The following SUGCT variants were observed in gnomAD, a reference collection of about 807,000 sequenced individuals.
SUGCT encodes the protein succinyl-CoA:glutarate CoA-transferase.
In SUGCT, 41 loss-of-function variants were observed where a neutral mutation model predicts 55.0. That is an observed-to-expected ratio of 0.74 (90% CI 0.58 to 0.97). SUGCT has a LOEUF of 0.97. SUGCT is among the 50% of genes least tolerant of loss of function. The pLI, the probability that SUGCT is intolerant of heterozygous loss-of-function variation, is 0.00. For missense variants in SUGCT, 568 were observed against 547.8 expected, an observed-to-expected ratio of 1.04 and a Z score of -0.37; for synonymous variants, 187 against 200.4, an observed-to-expected ratio of 0.93 and a Z score of 0.56.
the SUGCT span, among the ~76,000 whole-genome samples, chr7:41,020,834 G>T: frequency 6.6e-6 from 1 of 152,148 alleles, no homozygotes; most frequent in Non-Finnish European, 1.5e-5. Context: ...TGAATCAAAG[G>T]AATCCCCAGT....
At chr7:40,667,624 A>G (rs2151865066) in intron 12 of SUGCT, among the ~76,000 whole-genome samples, 1 of 150,852 alleles carries the variant, frequency 6.6e-6, no homozygotes, top group Non-Finnish European at 1.5e-5. Flanking sequence ...TCAGTTTCAG[A>G]ACTCGATATT....
At chr7:40,714,991 G>A (rs1170890972) in intron 12 of SUGCT, among the ~76,000 whole-genome samples, 2 of 152,006 alleles carry the variant, frequency 1.3e-5, no homozygotes, top group Non-Finnish European at 2.9e-5. Flanking sequence ...AAAACTCAGC[G>A]GCAAATCACA....
At chr7:40,586,325 T>C (rs1307730953) in intron 12 of SUGCT, among the ~76,000 whole-genome samples, 4 of 152,180 alleles carry the variant, frequency 2.6e-5, no homozygotes, top group Non-Finnish European at 5.9e-5. Flanking sequence ...GCACTTGAAG[T>C]GTGGCTTCTG....
intron 12 of SUGCT, among the ~76,000 whole-genome samples, chr7:40,732,928 A>G (rs997327377): frequency 2.0e-5 from 3 of 152,098 alleles, no homozygotes; most frequent in African/African-American, 7.2e-5. Context: ...CAACTCTACT[A>G]AAAATACATA....
At chr7:40,806,726 A>G (rs935764195) in intron 13 of SUGCT, among the ~76,000 whole-genome samples, 3 of 152,216 alleles carry the variant, frequency 2.0e-5, no homozygotes, top group African/African-American at 7.2e-5. Context: ...TATTCAATGT[A>G]ATAGAATATA....
At chr7:40,692,428 C>T (rs530549986) in intron 12 of SUGCT, among the ~76,000 whole-genome samples, 101 of 152,258 alleles carry the variant, frequency 6.6e-4, no homozygotes, top group African/African-American at 2.2e-3. Context: ...GTAAGAACAA[C>T]AGAAGCAAAA....
chr7:40,871,664 G>T, the SUGCT span, among the ~76,000 whole-genome samples: 2 of 151,912 alleles, frequency 1.3e-5, no homozygotes, highest in Non-Finnish European at 2.9e-5. Context: ...CACCTTTATA[G>T]TCCCCCCGCC....
At chr7:40,389,319 G>C (rs1785285127) in intron 9 of SUGCT, among the ~76,000 whole-genome samples, 1 of 152,070 alleles carries the variant, frequency 6.6e-6, no homozygotes, top group South Asian at 2.1e-4. Flanking sequence ...CACGGTGGCA[G>C]ACATGTGTTG....
intron 9 of SUGCT, among the ~76,000 whole-genome samples, chr7:40,325,232 A>AT (rs141707172): frequency 0.57 from 86,394 of 150,398 alleles, 25,038 homozygotes; most frequent in East Asian, 0.87. Context: ...CATGTTAAGG[A>AT]TTTTTTTTTA....
At chr7:40,640,607 G>A (rs1800227272) in intron 12 of SUGCT, among the ~76,000 whole-genome samples, 1 of 152,146 alleles carries the variant, frequency 6.6e-6, no homozygotes, top group Admixed American at 6.5e-5. Context: ...TCCTGAGATT[G>A]AAAAATGATT....
chr7:40,223,797 TTAATTG>T (rs1195051467), intron 6 of SUGCT, among the ~76,000 whole-genome samples: 2 of 152,240 alleles, frequency 1.3e-5, no homozygotes, highest in South Asian at 2.1e-4. Context: ...TAGACTGTAC[TTAATTG>T]TGTTTTCCTC....
chr7:40,391,518 C>G (rs547291887), intron 9 of SUGCT, among the ~76,000 whole-genome samples: 13 of 152,236 alleles, frequency 8.5e-5, no homozygotes, highest in African/African-American at 2.4e-4. Context: ...ATGCAGCCAA[C>G]AGACACATGA....
intron 12 of SUGCT, among the ~76,000 whole-genome samples, chr7:40,636,919 C>G (rs1800046305): frequency 6.6e-6 from 1 of 152,182 alleles, no homozygotes. Context: ...CTAACCCCTC[C>G]TTTCCCGGCA....
At chr7:40,418,656 G>A (rs1018999815) in intron 9 of SUGCT, among the ~76,000 whole-genome samples, 3 of 152,168 alleles carry the variant, frequency 2.0e-5, no homozygotes, top group South Asian at 4.1e-4. Flanking sequence ...TGATAGAGGA[G>A]TAGGCCACTT....
chr7:40,309,937 T>A (rs1795059249), intron 8 of SUGCT, among the ~76,000 whole-genome samples: 1 of 148,508 alleles, frequency 6.7e-6, no homozygotes, highest in African/African-American at 2.5e-5. Flanking sequence ...AAATAAATGA[T>A]TGAATAAATA....
intron 12 of SUGCT, among the ~76,000 whole-genome samples, chr7:40,504,838 G>A (rs181608361): frequency 2.0e-5 from 3 of 152,154 alleles, no homozygotes; most frequent in African/African-American, 7.2e-5. Context: ...AATATAAAGA[G>A]ATTATTTATA....
chr7:40,599,635 AC>A (rs1446928456), intron 12 of SUGCT, among the ~76,000 whole-genome samples: 1 of 152,084 alleles, frequency 6.6e-6, no homozygotes, highest in East Asian at 1.9e-4. Flanking sequence ...CAAACTTAAA[AC>A]CCAATTGCTT....
chr7:40,530,579 T>C (rs984921266), intron 12 of SUGCT, among the ~76,000 whole-genome samples: 4 of 152,182 alleles, frequency 2.6e-5, no homozygotes, highest in South Asian at 2.1e-4. Context: ...ACAAACAAGA[T>C]AAAATATTCT....
At chr7:40,147,541 T>C (rs1788319917) in intron 1 of SUGCT, among the ~76,000 whole-genome samples, 1 of 152,236 alleles carries the variant, frequency 6.6e-6, no homozygotes, top group Non-Finnish European at 1.5e-5. Flanking sequence ...CCCGCAGCTT[T>C]TTCCTTAGTC....
Sources: gnomAD v4.1 joint callset for allele counts (sites outside exome capture counted in the v4.1 genomes callset) on GRCh38, gnomAD v4.1.1 for gene constraint, MANE v1.5 for transcripts, NCBI Gene and HGNC (gene_info 2026-07-23, HGNC 2026-07-21) for gene names.